ATAD1: variants seen among roughly 807,000 people sequenced by gnomAD.
The protein encoded by ATAD1 is ATPase family AAA domain containing 1, also known as outer mitochondrial transmembrane helix translocase.
A neutral mutation model predicts 42.7 loss-of-function variants in ATAD1; 18 were observed. The ratio of observed to expected loss-of-function variants is 0.42; its 90% CI spans 0.29 to 0.63. The LOEUF (loss-of-function observed/expected upper bound fraction) is 0.63. Among genes scored for constraint, ATAD1 ranks in the 20% least tolerant of loss-of-function variants. The probability of loss-of-function intolerance (pLI) is 0.19; values close to 1 mark genes in which losing one functional copy is unlikely to be tolerated. For synonymous variants in ATAD1, 132 were observed against 143.1 expected (o/e 0.92, Z 0.55); for missense variants, 294 against 440.4 (o/e 0.67, Z 2.98).
Position 87,759,874 on chromosome 10 carries a change from C to G in ATAD1, c.832-2952G>C, listed in dbSNP as rs934897203. The G allele has an allele frequency of 1.1e-5, 4 of 369,854 alleles. No homozygotes were observed. In the East Asian group the frequency reaches 2.5e-4, roughly 23 times the overall value. The allele number at this position is 369,854 out of a possible 1,614,324, so 22.9% of individuals were successfully genotyped here. ...GCTCACCAAAATGCTTGGCACATAG[C>G]AAGCACTCTAAAAGTAGCTCATTTT... On this transcript the variant is annotated intron_variant, in intron 8 of 9. Coordinates refer to ENST00000680024, the MANE Select transcript of ATAD1 (RefSeq NM_001321967.2).
At chr10:87,788,435 A>T (rs1413042322) in intron 4 of ATAD1, among the ~76,000 whole-genome samples, 1 of 152,236 alleles carries the variant, frequency 6.6e-6, no homozygotes, top group African/African-American at 2.4e-5. Context: ...CAAAACTGTT[A>T]TTCTTGATTA....
rs1321004741 is a variant in ATAD1, at chr10:87,752,735, A to C, written c.*1952T>G. 1.3e-5 allele frequency: 2 copies of C among 152,172 alleles called. No individual in the cohort carries two copies. Among genetic ancestry groups the C allele is most frequent in the African/African-American group, 4.8e-5 (2 of 41,448 alleles). The allele number at this position is 152,172 out of a possible 1,614,324, so 9.4% of individuals were successfully genotyped here. A position where few individuals can be genotyped will look rare whatever the true frequency, so the allele number is the denominator to read the frequency against. On this transcript the variant is annotated 3_prime_UTR_variant, in exon 10 of 10. Transcript: ENST00000680024. ...TAAAAATCAGGAAAATAGTTTCCTG[A>C]ATTACTTTATGGTCTTAACATGCCT... is the stretch of plus-strand genomic sequence containing the variant.
At chr10:87,820,732 T>G (rs1857617097), upstream of ATAD1, among the ~76,000 whole-genome samples, 1 of 152,172 alleles carries the variant, frequency 6.6e-6, no homozygotes, top group Non-Finnish European at 1.5e-5. Flanking sequence ...CCTATATGTT[T>G]TGGACCTAAT....
chr10:87,816,015 A>C (rs1207936439), intron 1 of ATAD1, among the ~76,000 whole-genome samples: 4 of 152,120 alleles, frequency 2.6e-5, no homozygotes, highest in African/African-American at 9.7e-5. Context: ...AACTTCAAAA[A>C]TCAACTTTAT....
intron 2 of ATAD1, among the ~76,000 whole-genome samples, chr10:87,812,336 G>A (rs775349379): frequency 1.3e-5 from 2 of 152,134 alleles, no homozygotes; most frequent in Non-Finnish European, 2.9e-5. Flanking sequence ...GAGTGCAGGG[G>A]TGTGATCTTG....
At chr10:87,836,140 C>G (rs1857925379) in intron 1 of ATAD1, among the ~76,000 whole-genome samples, 1 of 151,648 alleles carries the variant, frequency 6.6e-6, no homozygotes, top group African/African-American at 2.4e-5. Flanking sequence ...GTTTTGTTTT[C>G]TTGGAGTCGG....
At chr10:87,828,103 G>T (rs144042886) in intron 1 of ATAD1, among the ~76,000 whole-genome samples, 22 of 151,700 alleles carry the variant, frequency 1.5e-4, no homozygotes, top group African/African-American at 5.3e-4. Flanking sequence ...TACTACAGGC[G>T]CACACCACTG....
chr10:87,759,464 A>G (rs2131762849), intron 8 of ATAD1, among the ~76,000 whole-genome samples: 1 of 152,338 alleles, frequency 6.6e-6, no homozygotes, highest in South Asian at 2.1e-4. Context: ...TACATTTAAC[A>G]AACTACTTTA....
chr10:87,828,274 T>C (rs1415616491), intron 1 of ATAD1, among the ~76,000 whole-genome samples: 6 of 152,162 alleles, frequency 3.9e-5, no homozygotes. Context: ...AGAAAAGTTC[T>C]TAAAGGAAAT....
chr10:87,828,977 A>G (rs1326585470), intron 1 of ATAD1, among the ~76,000 whole-genome samples: 2 of 152,200 alleles, frequency 1.3e-5, no homozygotes, highest in African/African-American at 4.8e-5. Flanking sequence ...TCATTTCAAG[A>G]TGTTAACTGC....
At chr10:87,761,803 T>A (rs766154218) in intron 8 of ATAD1, among the ~76,000 whole-genome samples, 1 of 152,180 alleles carries the variant, frequency 6.6e-6, no homozygotes, top group Non-Finnish European at 1.5e-5. Context: ...GATCTTGCTC[T>A]GTCACCCAGG....
intron 7 of ATAD1, among the ~76,000 whole-genome samples, chr10:87,770,301 T>A (rs1854969147): frequency 6.6e-6 from 1 of 152,372 alleles, no homozygotes; most frequent in East Asian, 1.9e-4. Flanking sequence ...AACCTGTTTT[T>A]TCTTTCCTTT....
rs183286903 is a variant in ATAD1, at chr10:87,816,000, A to T, written c.-13-1388T>A. 2.6e-5 allele frequency among the ~76,000 whole-genome samples: 4 copies of T among 152,278 alleles called. No individual in the cohort carries two copies. In the East Asian group the frequency reaches 7.7e-4, roughly 29 times the overall value. ...ATTCACCTAGGATTAGTCAAATTCT[A>T]TCCTAACTTCAAAAATCAACTTTAT... On this transcript the variant is annotated intron_variant, in intron 1 of 9. Coordinates refer to ENST00000680024, the MANE Select transcript of ATAD1 (RefSeq NM_001321967.2).
At chr10:87,782,832 A>G (rs1180052971) in intron 5 of ATAD1, among the ~76,000 whole-genome samples, 1 of 152,116 alleles carries the variant, frequency 6.6e-6, no homozygotes, top group East Asian at 1.9e-4. Flanking sequence ...CTTCGTCTCT[A>G]CAAAAAAATT....
chr10:87,791,666 A>T (rs1856124599), intron 3 of ATAD1, among the ~76,000 whole-genome samples: 1 of 152,190 alleles, frequency 6.6e-6, no homozygotes. Flanking sequence ...AGATATGGAG[A>T]TGGGACTACT....
intron 5 of ATAD1, among the ~76,000 whole-genome samples, chr10:87,780,166 A>G (rs1239205919): frequency 6.6e-6 from 1 of 152,216 alleles, no homozygotes; most frequent in African/African-American, 2.4e-5. Flanking sequence ...AAAGATGTGG[A>G]GGAAACTTAA....
At chr10:87,767,330 G>T (rs1375773374) in intron 8 of ATAD1, among the ~76,000 whole-genome samples, 2 of 152,096 alleles carry the variant, frequency 1.3e-5, no homozygotes, top group Non-Finnish European at 2.9e-5. Context: ...AGTGGAGGAG[G>T]GGGGCATAGT....
At chr10:87,782,095 A>G (rs917316594) in intron 5 of ATAD1, among the ~76,000 whole-genome samples, 4 of 152,240 alleles carry the variant, frequency 2.6e-5, no homozygotes, top group African/African-American at 4.8e-5. Flanking sequence ...GAAAAAAACC[A>G]TACTTAAATA....
chr10:87,804,621 C>T (rs1856841551), intron 2 of ATAD1, among the ~76,000 whole-genome samples: 1 of 152,144 alleles, frequency 6.6e-6, no homozygotes, highest in African/African-American at 2.4e-5. Context: ...CCACCTGCCT[C>T]AGCTTCCCAA....
Sources: gnomAD v4.1 joint callset for allele counts (sites outside exome capture counted in the v4.1 genomes callset) on GRCh38, gnomAD v4.1.1 for gene constraint, MANE v1.5 for transcripts, NCBI Gene and HGNC (gene_info 2026-07-23, HGNC 2026-07-21) for gene names.